Variants in UBE2E2 observed in about 807,000 individuals in gnomAD.
The protein encoded by UBE2E2 is ubiquitin conjugating enzyme E2 E2, also known as ubiquitin-conjugating enzyme E2 E2.
UBE2E2 carries 6 observed loss-of-function variants against 24.7 expected under a neutral mutation model. The observed-to-expected ratio is 0.24, with a 90% CI of 0.13 to 0.48. The LOEUF is 0.48. UBE2E2 is among the 20% of genes least tolerant of loss of function. UBE2E2 has a pLI of 0.99. For missense variants in UBE2E2, 169 were observed against 245.0 expected, an observed-to-expected ratio of 0.69 and a Z score of 2.07; for synonymous variants, 104 against 83.6, an observed-to-expected ratio of 1.24 and a Z score of -1.33.
intron 3 of UBE2E2, among the ~76,000 whole-genome samples, chr3:23,423,895 TC>T (rs1455108361): frequency 6.6e-6 from 1 of 152,164 alleles, no homozygotes; most frequent in African/African-American, 2.4e-5. Context: ...GAAAACTGTA[TC>T]TCTGCCTCTC....
intron 3 of UBE2E2, among the ~76,000 whole-genome samples, chr3:23,394,838 T>A (rs1372530226): frequency 6.6e-6 from 1 of 152,168 alleles, no homozygotes; most frequent in African/African-American, 2.4e-5. Context: ...CAGCTTTCAG[T>A]CCACTCAATT....
At chr3:23,479,713 A>G (rs9862734) in intron 3 of UBE2E2, among the ~76,000 whole-genome samples, 35,422 of 152,118 alleles carry the variant, frequency 0.23, 4,159 homozygotes, top group East Asian at 0.36. Flanking sequence ...GAGACCTGAA[A>G]TGTGTAGCTC....
chr3:23,295,834 A>T, intron 3 of UBE2E2, among the ~76,000 whole-genome samples: 1 of 152,162 alleles, frequency 6.6e-6, no homozygotes, highest in African/African-American at 2.4e-5. Flanking sequence ...GGTAATTTGT[A>T]TATATATTGT....
chr3:23,508,848 A>G (rs960281149), intron 4 of UBE2E2, among the ~76,000 whole-genome samples: 4 of 152,218 alleles, frequency 2.6e-5, no homozygotes, highest in African/African-American at 9.6e-5. Context: ...TTATGTGAAC[A>G]GGGGAGACTG....
At chr3:23,308,076 T>A (rs1222950412) in intron 3 of UBE2E2, among the ~76,000 whole-genome samples, 3 of 152,198 alleles carry the variant, frequency 2.0e-5, no homozygotes, top group African/African-American at 7.2e-5. Flanking sequence ...TGGCTTTGGC[T>A]TGAATAGTGG....
chr3:23,257,309 G>T (rs1294720762), intron 3 of UBE2E2, among the ~76,000 whole-genome samples: 4 of 152,090 alleles, frequency 2.6e-5, no homozygotes, highest in Admixed American at 1.3e-4. Context: ...ATCAGAGCAG[G>T]ACTAGCTCTT....
intron 3 of UBE2E2, among the ~76,000 whole-genome samples, chr3:23,299,864 G>A (rs1699021712): frequency 6.6e-6 from 1 of 152,108 alleles, no homozygotes; most frequent in Admixed American, 6.5e-5. Flanking sequence ...TCGTTGATCT[G>A]TCTAATGTTG....
At chr3:23,521,895 A>T (rs1475032445) in intron 4 of UBE2E2, among the ~76,000 whole-genome samples, 2 of 69,252 alleles carry the variant, frequency 2.9e-5, no homozygotes, top group Admixed American at 1.6e-4. Flanking sequence ...TGTACCCCCC[A>T]CCCCCCCAGC....
At chr3:23,257,641 G>T (rs1364362110) in intron 3 of UBE2E2, among the ~76,000 whole-genome samples, 1 of 148,676 alleles carries the variant, frequency 6.7e-6, no homozygotes, top group Non-Finnish European at 1.5e-5. Flanking sequence ...TAGTAGCTGG[G>T]ACTATAGGCA....
At chr3:23,466,596 C>G (rs894475299) in intron 3 of UBE2E2, among the ~76,000 whole-genome samples, 1 of 152,200 alleles carries the variant, frequency 6.6e-6, no homozygotes, top group Non-Finnish European at 1.5e-5. Context: ...GAGACAGAGT[C>G]TCACTCTATC....
At chr3:23,290,878 G>T (rs1459579815) in intron 3 of UBE2E2, among the ~76,000 whole-genome samples, 3 of 135,550 alleles carry the variant, frequency 2.2e-5, no homozygotes, top group Non-Finnish European at 3.1e-5. Context: ...AACATAGCAG[G>T]ACTGTGTGTC....
At chr3:23,214,160 G>C (rs778494138) in intron 2 of UBE2E2, among the ~76,000 whole-genome samples, 1 of 152,104 alleles carries the variant, frequency 6.6e-6, no homozygotes, top group Non-Finnish European at 1.5e-5. Flanking sequence ...GAATTCATCA[G>C]TAAATTGCTT....
intron 5 of UBE2E2, among the ~76,000 whole-genome samples, chr3:23,556,787 A>T (rs1695799630): frequency 6.6e-6 from 1 of 152,144 alleles, no homozygotes; most frequent in South Asian, 2.1e-4. Flanking sequence ...ATTAACTCAT[A>T]ATAATCTATA....
chr3:23,331,386 T>G (rs916351473), intron 3 of UBE2E2, among the ~76,000 whole-genome samples: 3 of 151,890 alleles, frequency 2.0e-5, no homozygotes, highest in Non-Finnish European at 4.4e-5. Flanking sequence ...GTTTACATTG[T>G]AGTGGAGGAA....
At chr3:23,412,218 A>G (rs1268643875) in intron 3 of UBE2E2, among the ~76,000 whole-genome samples, 2 of 152,168 alleles carry the variant, frequency 1.3e-5, no homozygotes, top group Non-Finnish European at 2.9e-5. Context: ...GATGAAATGC[A>G]TTGTAATTAT....
chr3:23,581,823 A>C (rs1046785026), intron 5 of UBE2E2, among the ~76,000 whole-genome samples: 4 of 152,234 alleles, frequency 2.6e-5, no homozygotes, highest in African/African-American at 9.6e-5. Flanking sequence ...AAATAGAGTC[A>C]TTCAGCAGTT....
intron 3 of UBE2E2, among the ~76,000 whole-genome samples, chr3:23,268,799 A>C (rs1279663564): frequency 6.6e-6 from 1 of 150,938 alleles, no homozygotes; most frequent in African/African-American, 2.4e-5. Flanking sequence ...CTGACTTCAA[A>C]CTATACTACA....
At chr3:23,545,803 A>G (rs1695509233) in intron 5 of UBE2E2, among the ~76,000 whole-genome samples, 1 of 152,248 alleles carries the variant, frequency 6.6e-6, no homozygotes, top group African/African-American at 2.4e-5. Context: ...AAAATGTGAT[A>G]TGTATACACC....
At chr3:23,346,544 A>G (rs898366101) in intron 3 of UBE2E2, among the ~76,000 whole-genome samples, 10 of 152,242 alleles carry the variant, frequency 6.6e-5, no homozygotes, top group Non-Finnish European at 1.3e-4. Flanking sequence ...ACAAAAATTC[A>G]TAATTATAAA....
Sources: gnomAD v4.1 joint callset for allele counts (sites outside exome capture counted in the v4.1 genomes callset) on GRCh38, gnomAD v4.1.1 for gene constraint, MANE v1.5 for transcripts, NCBI Gene and HGNC (gene_info 2026-07-23, HGNC 2026-07-21) for gene names.